UNC5D: variants seen among roughly 807,000 people sequenced by gnomAD.
The protein encoded by UNC5D is netrin receptor UNC5D.
A neutral mutation model predicts 105.4 loss-of-function variants in UNC5D; 39 were observed. The observed-to-expected ratio is 0.37, with a 90% CI of 0.29 to 0.48. The LOEUF (loss-of-function observed/expected upper bound fraction) is 0.48, where lower values mean the gene tolerates loss of function less well. Among genes scored for constraint, UNC5D ranks in the 20% least tolerant of loss-of-function variants. The pLI is 0.98. For missense variants in UNC5D, 991 were observed against 1,202.4 expected (o/e 0.82, Z 2.60); for synonymous variants, 452 against 450.4 (o/e 1.00, Z -0.04).
chr8:35,360,571 T>C (rs1290093671), intron 1 of UNC5D, among the ~76,000 whole-genome samples: 3 of 152,162 alleles, frequency 2.0e-5, no homozygotes, highest in Non-Finnish European at 4.4e-5. Context: ...GCATCGTCTA[T>C]AGGTTACCAG....
chr8:35,423,549 C>G (rs1806048281), intron 1 of UNC5D, among the ~76,000 whole-genome samples: 1 of 152,098 alleles, frequency 6.6e-6, no homozygotes, highest in African/African-American at 2.4e-5. Context: ...TAGAAATTTC[C>G]TCAGATTTTC....
intron 1 of UNC5D, among the ~76,000 whole-genome samples, chr8:35,271,621 C>T (rs1805345924): frequency 7.0e-6 from 1 of 142,786 alleles, no homozygotes; most frequent in Admixed American, 7.1e-5. Context: ...TATTATATTA[C>T]ATGTAACATA....
At chr8:35,636,201 A>G (rs180810410) in intron 4 of UNC5D, among the ~76,000 whole-genome samples, 23 of 152,354 alleles carry the variant, frequency 1.5e-4, no homozygotes, top group African/African-American at 5.3e-4. Context: ...TCATAGAGCA[A>G]GGAAAGAAAG....
intron 4 of UNC5D, among the ~76,000 whole-genome samples, chr8:35,616,597 G>GC (rs1821040156): frequency 6.6e-6 from 1 of 152,170 alleles, no homozygotes; most frequent in Admixed American, 6.5e-5. Flanking sequence ...ACAACTTTGA[G>GC]CAGGCCTTGA....
At chr8:35,703,310 A>G (rs964919430) in intron 7 of UNC5D, among the ~76,000 whole-genome samples, 4 of 152,124 alleles carry the variant, frequency 2.6e-5, no homozygotes, top group Non-Finnish European at 5.9e-5. Flanking sequence ...ATGGATTTCC[A>G]GTTATCATGC....
rs1460297520 is a variant in UNC5D at position 35,794,979 on chromosome 8, C to T, written c.*4416C>T. The T allele has an allele frequency of 6.6e-6, 1 of 152,190 alleles. No homozygotes were observed. Among genetic ancestry groups the T allele is most frequent in the Non-Finnish European group, 1.5e-5 (1 of 68,048 alleles). 9.4% of individuals were successfully genotyped at this position (152,190 alleles called of 1,614,324 possible). ...ATAATTGTGGTTTTTGAAGCAGCTA[C>T]TCATTGCTTTTTCCTTTTGCTGTGA... On this transcript the variant is annotated 3_prime_UTR_variant, in exon 17 of 17. Coordinates refer to ENST00000404895, the MANE Select transcript of UNC5D (RefSeq NM_080872.4).
intron 7 of UNC5D, among the ~76,000 whole-genome samples, chr8:35,694,338 TA>T (rs1437755974): frequency 6.6e-6 from 1 of 152,134 alleles, no homozygotes. Context: ...GTGACTGAGT[TA>T]AAACCAGCTG....
chr8:35,660,182 GATAGAA>G (rs1824023627), intron 4 of UNC5D, among the ~76,000 whole-genome samples: 1 of 152,172 alleles, frequency 6.6e-6, no homozygotes. Flanking sequence ...GGCAGAACAT[GATAGAA>G]ATGGAATGAT....
At chr8:35,414,601 C>T (rs899298328) in intron 1 of UNC5D, among the ~76,000 whole-genome samples, 1 of 152,014 alleles carries the variant, frequency 6.6e-6, no homozygotes, top group East Asian at 1.9e-4. Context: ...AAAAATTACA[C>T]AGGCCATAAG....
intron 4 of UNC5D, among the ~76,000 whole-genome samples, chr8:35,644,774 T>C (rs1822948012): frequency 6.6e-6 from 1 of 152,164 alleles, no homozygotes; most frequent in African/African-American, 2.4e-5. Context: ...TAAAGAGTTG[T>C]GGCTCATCAC....
At chr8:35,333,302 C>A (rs1254238052) in intron 1 of UNC5D, among the ~76,000 whole-genome samples, 1 of 152,120 alleles carries the variant, frequency 6.6e-6, no homozygotes, top group Admixed American at 6.5e-5. Context: ...CCCTGGTTGA[C>A]AGAGTGAGAC....
intron 12 of UNC5D, among the ~76,000 whole-genome samples, chr8:35,749,390 T>A (rs554259088): frequency 6.6e-6 from 1 of 152,342 alleles, no homozygotes; most frequent in East Asian, 1.9e-4. Context: ...TATGTCCATC[T>A]GCAGTCAGCT....
intron 2 of UNC5D, among the ~76,000 whole-genome samples, chr8:35,556,922 C>A (rs776321702): frequency 6.6e-6 from 1 of 152,302 alleles, no homozygotes; most frequent in East Asian, 1.9e-4. Context: ...GGTTTGAACA[C>A]CTTTGATAGT....
chr8:35,605,096 T>G (rs2130947767), intron 4 of UNC5D, among the ~76,000 whole-genome samples: 1 of 152,354 alleles, frequency 6.6e-6, no homozygotes, highest in East Asian at 1.9e-4. Flanking sequence ...AGGAGCTGCG[T>G]TCCTTTGGAG....
At chr8:35,611,732 A>G (rs552762959) in intron 4 of UNC5D, among the ~76,000 whole-genome samples, 1 of 152,322 alleles carries the variant, frequency 6.6e-6, no homozygotes, top group Admixed American at 6.5e-5. Flanking sequence ...CTAACTAAAG[A>G]TAGCAACTTT....
intron 1 of UNC5D, among the ~76,000 whole-genome samples, chr8:35,473,391 T>A (rs1809872849): frequency 6.6e-6 from 1 of 152,220 alleles, no homozygotes; most frequent in African/African-American, 2.4e-5. Context: ...GCTTTAAGAA[T>A]AGTGGCTGGC....
chr8:35,635,013 G>T (rs1015458360), intron 4 of UNC5D, among the ~76,000 whole-genome samples: 1 of 152,014 alleles, frequency 6.6e-6, no homozygotes, highest in South Asian at 2.1e-4. Flanking sequence ...CGATCCACCC[G>T]CCTTGGCCTC....
intron 4 of UNC5D, among the ~76,000 whole-genome samples, chr8:35,619,879 C>T (rs564046916): frequency 2.0e-5 from 3 of 152,236 alleles, no homozygotes; most frequent in South Asian, 2.1e-4. Flanking sequence ...ACCTGTTGCA[C>T]GGAGATTATG....
chr8:35,302,543 G>C (rs961354748), intron 1 of UNC5D, among the ~76,000 whole-genome samples: 1 of 152,170 alleles, frequency 6.6e-6, no homozygotes, highest in African/African-American at 2.4e-5. Flanking sequence ...GGTTGTGCAC[G>C]CAAGTGCACA....
Sources: gnomAD v4.1 joint callset for allele counts (sites outside exome capture counted in the v4.1 genomes callset) on GRCh38, gnomAD v4.1.1 for gene constraint, MANE v1.5 for transcripts, NCBI Gene and HGNC (gene_info 2026-07-23, HGNC 2026-07-21) for gene names.